The following GALNTL6 variants were observed in gnomAD, a reference collection of about 807,000 sequenced individuals.
The protein encoded by GALNTL6 is polypeptide N-acetylgalactosaminyltransferase like 6, also known as polypeptide N-acetylgalactosaminyltransferase-like 6.
A neutral mutation model predicts 73.7 loss-of-function variants in GALNTL6; 46 were observed. The observed-to-expected ratio is 0.62, with a 90% confidence interval of 0.49 to 0.80. The LOEUF is 0.80. Among genes scored for constraint, GALNTL6 ranks in the 30% least tolerant of loss-of-function variants. GALNTL6 has a pLI of 0.00. For synonymous variants in GALNTL6, 259 were observed against 263.7 expected (o/e 0.98, Z 0.17); for missense variants, 604 against 755.0 (o/e 0.80, Z 2.34).
intron 2 of GALNTL6, among the ~76,000 whole-genome samples, chr4:171,905,376 C>G (rs191105094): frequency 1.7e-3 from 264 of 152,164 alleles, no homozygotes; most frequent in Admixed American, 4.6e-3. Context: ...TTTAAACCAA[C>G]AAAGATCAAA....
At position 171,883,802 on chromosome 4, in the gene GALNTL6, C is replaced by T. The variant is rs7434363; in HGVS notation, c.138+69084C>T. ...AGCTGGGACTACAGGCGCCTGCCAC[C>T]ACACCTGGCTAATTTTTTGTATTTT... On this transcript the variant is annotated intron_variant, in intron 2 of 12. Transcript: ENST00000506823. 7.9e-5 allele frequency among the ~76,000 whole-genome samples: 12 copies of T among 151,978 alleles called. No homozygotes were observed. The South Asian group carries it at 1.5e-3, about 18-fold the overall frequency.
At chr4:172,644,168 A>G (rs1191195174) in intron 5 of GALNTL6, among the ~76,000 whole-genome samples, 3 of 151,926 alleles carry the variant, frequency 2.0e-5, no homozygotes, top group Non-Finnish European at 2.9e-5. Context: ...AAATGCACAC[A>G]TCTTTATTGA....
In GALNTL6 at chr4:173,021,512, G is replaced by T. The variant is rs766008846; in HGVS notation, c.1525G>T (p.Gly509Cys). The change falls in exon 12 of 13, where the codon GGT becomes TGT. Residue 509 changes from glycine to cysteine, a missense_variant. By Grantham distance (159) the Gly-to-Cys change is radical. Transcript: ENST00000506823. ...TGGATGGAGAGAAGATATTCGACCCGGTGAGCCACTGCATACCCGGAAATT... is the reference window on the plus strand; with the variant it reads ...TGGATGGAGAGAAGATATTCGACCCTGTGAGCCACTGCATACCCGGAAATT... ...TFGWREDIRP[G>C]EPLHTRKFCF... 1 of 1,613,978 alleles carries T rather than the reference G, an allele frequency of 6.2e-7. No individual in the cohort carries two copies. Among genetic ancestry groups the T allele is most frequent in the Non-Finnish European group, 8.5e-7 (1 of 1,179,962 alleles).
At chr4:172,367,281 GA>G (rs1375682398) in intron 5 of GALNTL6, among the ~76,000 whole-genome samples, 6 of 152,302 alleles carry the variant, frequency 3.9e-5, no homozygotes, top group East Asian at 1.9e-4. Flanking sequence ...CTACAAGGAT[GA>G]AAAAGGTTGC....
chr4:171,863,793 T>G (rs776365202), intron 2 of GALNTL6, among the ~76,000 whole-genome samples: 2 of 152,158 alleles, frequency 1.3e-5, no homozygotes, highest in Non-Finnish European at 2.9e-5. Flanking sequence ...GTTTTACTCT[T>G]GTCGCCCAAG....
chr4:172,719,782 G>A (rs924780955), intron 5 of GALNTL6, among the ~76,000 whole-genome samples: 2 of 152,114 alleles, frequency 1.3e-5, no homozygotes, highest in African/African-American at 4.8e-5. Context: ...AAGTTTATTA[G>A]GAAAGTAAAG....
chr4:172,947,683 T>C (rs1459533459), intron 9 of GALNTL6, among the ~76,000 whole-genome samples: 1 of 152,100 alleles, frequency 6.6e-6, no homozygotes, highest in Non-Finnish European at 1.5e-5. Flanking sequence ...TTTTACCATC[T>C]CTGGCACAAG....
At chr4:172,490,646 A>G (rs945951002) in intron 5 of GALNTL6, among the ~76,000 whole-genome samples, 1 of 152,186 alleles carries the variant, frequency 6.6e-6, no homozygotes, top group African/African-American at 2.4e-5. Flanking sequence ...CAATAACAAT[A>G]CAATGAAATA....
chr4:172,517,918 A>G (rs1216864494), intron 5 of GALNTL6, among the ~76,000 whole-genome samples: 1 of 152,056 alleles, frequency 6.6e-6, no homozygotes, highest in Non-Finnish European at 1.5e-5. Flanking sequence ...CATTCTATTG[A>G]TCTAAAAATA....
rs1269443936 is a variant in GALNTL6, at chr4:172,809,892, TAGCTAC to T, written c.739+350_739+355del. On this transcript the variant is annotated intron_variant, in intron 6 of 12. Coordinates refer to ENST00000506823, the MANE Select transcript of GALNTL6 (RefSeq NM_001034845.3). The surrounding 1 kb of genome is among the most constrained non-coding windows in gnomAD (Gnocchi z 4.4). ...GTCCCAAAACTCTTTTATAATCCTG[TAGCTAC>T]AGCAAGATTAAAATACACACACACA... Among the ~76,000 whole-genome samples, 1 of 150,562 alleles carries T rather than the reference TAGCTAC, an allele frequency of 6.6e-6. No homozygotes were observed. The highest frequency in any genetic ancestry group is 1.5e-5 in the Non-Finnish European group (1 of 67,812).
intron 5 of GALNTL6, among the ~76,000 whole-genome samples, chr4:172,461,806 T>C (rs1331023747): frequency 1.3e-5 from 2 of 152,182 alleles, no homozygotes; most frequent in Admixed American, 1.3e-4. Context: ...CTGTGATGGT[T>C]AATTTTGTAT....
chr4:172,996,790 A>G (rs1318581869), intron 10 of GALNTL6, among the ~76,000 whole-genome samples: 5 of 152,156 alleles, frequency 3.3e-5, no homozygotes, highest in South Asian at 2.1e-4. Context: ...AGTGAACTGT[A>G]TGAGTCAGGA....
chr4:172,833,981 G>A (rs1048096311), intron 7 of GALNTL6, among the ~76,000 whole-genome samples: 3 of 152,214 alleles, frequency 2.0e-5, no homozygotes, highest in Non-Finnish European at 4.4e-5. Context: ...GCTGAGCGTG[G>A]TGGCGCATGC....
intron 3 of GALNTL6, among the ~76,000 whole-genome samples, chr4:172,291,040 C>T (rs1579338935): frequency 6.6e-6 from 1 of 151,688 alleles, no homozygotes. Flanking sequence ...CCAATACCCC[C>T]ACAAAAAAAG....
At chr4:172,891,580 G>T (rs1746032853) in intron 8 of GALNTL6, among the ~76,000 whole-genome samples, 1 of 152,022 alleles carries the variant, frequency 6.6e-6, no homozygotes, top group Non-Finnish European at 1.5e-5. Flanking sequence ...TTATTTATTT[G>T]CATTGACCTT....
intron 2 of GALNTL6, among the ~76,000 whole-genome samples, chr4:171,986,230 G>T (rs1246542166): frequency 6.6e-6 from 1 of 151,716 alleles, no homozygotes; most frequent in African/African-American, 2.4e-5. Context: ...TAAGGGTGGG[G>T]CTGTTTTATA....
intron 5 of GALNTL6, among the ~76,000 whole-genome samples, chr4:172,477,154 T>C (rs1039373575): frequency 3.0e-4 from 45 of 150,426 alleles, no homozygotes; most frequent in Non-Finnish European, 5.3e-4. Flanking sequence ...CTCAATAATA[T>C]GGCTTAAGAG....
At chr4:172,450,458 T>C (rs1732170581) in intron 5 of GALNTL6, among the ~76,000 whole-genome samples, 1 of 152,242 alleles carries the variant, frequency 6.6e-6, no homozygotes, top group Non-Finnish European at 1.5e-5. Context: ...ACTGAACTGC[T>C]GTAACAGCAT....
At chr4:172,974,866 A>G (rs985228236) in intron 10 of GALNTL6, among the ~76,000 whole-genome samples, 1 of 152,248 alleles carries the variant, frequency 6.6e-6, no homozygotes, top group Non-Finnish European at 1.5e-5. Flanking sequence ...CAGCTGCACC[A>G]GGCATACCAC....
Sources: allele counts gnomAD v4.1 joint callset (sites outside exome capture counted in the v4.1 genomes callset), GRCh38; gene constraint gnomAD v4.1.1; non-coding constraint Gnocchi (gnomAD v3.1); transcripts MANE v1.5; gene names NCBI Gene and HGNC (gene_info 2026-07-23, HGNC 2026-07-21).